The following RYR3 variants were observed in gnomAD, a reference collection of about 807,000 sequenced individuals.
RYR3 encodes the protein brain ryanodine receptor-calcium release channel.
In RYR3, 207 loss-of-function variants were observed where a neutral mutation model predicts 584.3. The observed-to-expected ratio is 0.35, with a 90% CI of 0.32 to 0.40. RYR3 has a LOEUF of 0.40. Ranked by LOEUF, RYR3 falls within the 10% of genes least tolerant of loss-of-function variation. The probability of loss-of-function intolerance (pLI) is 1.00; values close to 1 mark genes in which losing one functional copy is unlikely to be tolerated. For synonymous variants in RYR3, 2,416 were observed against 2,248.5 expected (o/e 1.07, Z -2.11); for missense variants, 5,616 against 6,089.2 (o/e 0.92, Z 2.59).
intron 64 of RYR3, among the ~76,000 whole-genome samples, chr15:33,778,761 G>A (rs1312213851): frequency 1.3e-5 from 2 of 152,218 alleles, no homozygotes; most frequent in African/African-American, 2.4e-5. Flanking sequence ...GAGCAGTCCT[G>A]GGTGGGGAGG....
At chr15:33,327,007 A>T (rs1441427135) in intron 1 of RYR3, among the ~76,000 whole-genome samples, 1 of 38,810 alleles carries the variant, frequency 2.6e-5, no homozygotes, top group South Asian at 6.9e-4. Context: ...GGTGTAGTTT[A>T]AAAAAAAAAA....
rs761024076 is a variant in RYR3 at position 33,644,321 on chromosome 15, C to T, written c.3567C>T (p.Pro1189=). Residue 1189 remains proline (P), a synonymous_variant, in exon 28 of 104, where the codon CCC becomes CCT. Coordinates refer to ENST00000634891, the MANE Select transcript of RYR3 (RefSeq NM_001036.6). ...ADYEIENGFV[P]ICCLGLSQIG... is the part of the protein sequence containing the mutation. ...CTAACTCTTCTGCAGGCTTCGTGCC[C>T]ATCTGCTGTCTGGGTCTATCTCAGA... 2 of 1,610,736 alleles carry T rather than the reference C, an allele frequency of 1.2e-6. No homozygotes were observed. Among genetic ancestry groups the T allele is most frequent in the Non-Finnish European group, 1.7e-6 (2 of 1,178,546 alleles).
chr15:33,837,042 T>A, intron 88 of RYR3, 55 bp downstream of exon 88: 3 of 1,340,842 alleles, frequency 2.2e-6, no homozygotes, highest in South Asian at 1.2e-5. Context: ...GTCTGAGCAC[T>A]AACCTTACTG....
At chr15:33,351,376 T>C (rs980074957) in intron 1 of RYR3, among the ~76,000 whole-genome samples, 7 of 152,044 alleles carry the variant, frequency 4.6e-5, no homozygotes, top group African/African-American at 9.7e-5. Flanking sequence ...TTCCAATCAA[T>C]AGAAAAGAGG....
intron 64 of RYR3, among the ~76,000 whole-genome samples, chr15:33,778,148 C>T (rs569542402): frequency 8.0e-5 from 11 of 137,986 alleles, no homozygotes; most frequent in African/African-American, 1.7e-4. Context: ...CCAGCCTGGG[C>T]GACAGAGCAA....
intron 1 of RYR3, among the ~76,000 whole-genome samples, chr15:33,394,434 G>A (rs560451222): frequency 6.6e-6 from 1 of 152,204 alleles, no homozygotes; most frequent in Non-Finnish European, 1.5e-5. Context: ...TACATGTTAT[G>A]TTCCAACTTT....
chr15:33,854,721 C>T (rs713203), intron 97 of RYR3, 45 bp from the exon 98 acceptor site: 1,327,634 of 1,572,470 alleles, frequency 0.84, 561,891 homozygotes, highest in East Asian at 0.99. Context: ...AATGAGCACA[C>T]TATGAGGCAA....
At chr15:33,672,451 C>G (rs191060225) in intron 38 of RYR3, among the ~76,000 whole-genome samples, 4 of 152,258 alleles carry the variant, frequency 2.6e-5, no homozygotes, top group African/African-American at 9.6e-5. Context: ...CGTTTCGTGT[C>G]ATAAGTACTC....
intron 1 of RYR3, among the ~76,000 whole-genome samples, chr15:33,458,178 G>A (rs1257241249): frequency 1.3e-5 from 2 of 152,138 alleles, no homozygotes; most frequent in African/African-American, 4.8e-5. Flanking sequence ...AGTAAGAAGA[G>A]TGGTTGCCAG....
At chr15:33,436,165 A>C (rs1192921139) in intron 1 of RYR3, among the ~76,000 whole-genome samples, 3 of 152,128 alleles carry the variant, frequency 2.0e-5, no homozygotes, top group Non-Finnish European at 4.4e-5. Flanking sequence ...TGTTCATTTG[A>C]GTTGTCATTG....
intron 87 of RYR3, among the ~76,000 whole-genome samples, chr15:33,835,809 A>G (rs2078007416): frequency 1.3e-5 from 2 of 152,154 alleles, no homozygotes; most frequent in Admixed American, 6.5e-5. Flanking sequence ...GGAGGGCTGC[A>G]ATTTGACAGT....
chr15:33,338,639 T>C (rs1438510389), intron 1 of RYR3, among the ~76,000 whole-genome samples: 1 of 152,180 alleles, frequency 6.6e-6, no homozygotes, highest in Non-Finnish European at 1.5e-5. Context: ...AGCCATCTTA[T>C]TTAGGAACCG....
chr15:33,456,565 G>A (rs1042991496), intron 1 of RYR3, among the ~76,000 whole-genome samples: 3 of 152,084 alleles, frequency 2.0e-5, no homozygotes, highest in Admixed American at 6.5e-5. Flanking sequence ...AGTGGCTCCC[G>A]AGGTGCTTCA....
chr15:33,518,319 T>G (rs904327781), intron 3 of RYR3, among the ~76,000 whole-genome samples: 1 of 152,236 alleles, frequency 6.6e-6, no homozygotes, highest in Non-Finnish European at 1.5e-5. Context: ...ACCACCAAAC[T>G]TGCTGCAAAT....
rs138831585 is a variant in RYR3, at chr15:33,374,364, A to ATGTG, written c.51+63300_51+63303dup. Among the ~76,000 whole-genome samples, 799 of 145,016 alleles carry ATGTG rather than the reference A, an allele frequency of 5.5e-3. 5 individuals carry two copies. The highest frequency in any genetic ancestry group is 0.018 in the Middle Eastern group (5 of 282). On this transcript the variant is annotated intron_variant, in intron 1 of 103. Coordinates refer to ENST00000634891, the MANE Select transcript of RYR3 (RefSeq NM_001036.6). ...TCTGGCTTTCTTCCTGTACGAGTGTATGTGTGTGTGTGTGTGTGTGTGTGT... is the reference window on the plus strand; with the variant it reads ...TCTGGCTTTCTTCCTGTACGAGTGTATGTGTGTGTGTGTGTGTGTGTGTGTGTGT...
intron 1 of RYR3, among the ~76,000 whole-genome samples, chr15:33,349,055 A>G (rs1972852883): frequency 6.7e-6 from 1 of 150,320 alleles, no homozygotes; most frequent in African/African-American, 2.4e-5. Context: ...TTTGCTTAGC[A>G]ATATGCACTT....
At position 33,624,000 on chromosome 15, in the gene RYR3, C is replaced by T. The variant is rs772392619; in HGVS notation, c.2551C>T (p.Pro851Ser). ...TQFLSQASFI[P>S]CPVDTSQVIL... ...GTTCCTCTCCCAAGCCTCTTTCATCCCATGCCCCGTAGACACCAGTCAGGT... is the reference window on the plus strand; with the variant it reads ...GTTCCTCTCCCAAGCCTCTTTCATCTCATGCCCCGTAGACACCAGTCAGGT... Residue 851 changes from proline (P) to serine (S), a missense_variant, in exon 20 of 104, where the codon CCA becomes TCA. Coordinates refer to ENST00000634891, the MANE Select transcript of RYR3 (RefSeq NM_001036.6). 1.2e-6 allele frequency: 2 copies of T among 1,613,792 alleles called. No homozygotes were observed. Among genetic ancestry groups the T allele is most frequent in the Non-Finnish European group, 1.7e-6 (2 of 1,179,768 alleles).
intron 31 of RYR3, among the ~76,000 whole-genome samples, chr15:33,651,371 C>T (rs2062452011): frequency 6.6e-6 from 1 of 152,206 alleles, no homozygotes; most frequent in African/African-American, 2.4e-5. Flanking sequence ...AACATGGCTG[C>T]AGTTATAGAA....
At chr15:33,429,702 C>T (rs373571686) in intron 1 of RYR3, among the ~76,000 whole-genome samples, 6 of 152,096 alleles carry the variant, frequency 3.9e-5, no homozygotes, top group Admixed American at 6.5e-5. Flanking sequence ...ATACATTTTA[C>T]GTAAACATAT....
Sources: allele counts gnomAD v4.1 joint callset (sites outside exome capture counted in the v4.1 genomes callset), GRCh38; gene constraint gnomAD v4.1.1; transcripts MANE v1.5; gene names NCBI Gene and HGNC (gene_info 2026-07-23, HGNC 2026-07-21).